Variants in SDK1 observed in about 807,000 individuals in gnomAD.
SDK1 encodes the protein protein sidekick-1.
SDK1 carries 157 observed loss-of-function variants against 245.5 expected under a neutral mutation model. The observed-to-expected ratio is 0.64, with a 90% CI of 0.56 to 0.73. SDK1 has a LOEUF of 0.73. Ranked by LOEUF, SDK1 falls within the 30% of genes least tolerant of loss-of-function variation. SDK1 has a pLI of 0.00. For synonymous variants in SDK1, 1,647 were observed against 1,278.5 expected (o/e 1.29, Z -6.15); for missense variants, 3,583 against 3,002.3 (o/e 1.19, Z -4.52).
At chr7:3,970,081 T>G (rs532137086) in intron 11 of SDK1, among the ~76,000 whole-genome samples, 1 of 152,348 alleles carries the variant, frequency 6.6e-6, no homozygotes, top group South Asian at 2.1e-4. Context: ...ACTTTTTAAC[T>G]TCAATTGCCA....
intron 4 of SDK1, among the ~76,000 whole-genome samples, chr7:3,811,660 G>T (rs776009213): frequency 6.6e-6 from 1 of 152,154 alleles, no homozygotes; most frequent in Non-Finnish European, 1.5e-5. Context: ...TAGTCAGGGA[G>T]CCCCAGGCCA....
intron 4 of SDK1, among the ~76,000 whole-genome samples, chr7:3,674,756 G>A (rs1006480058): frequency 6.6e-6 from 1 of 152,186 alleles, no homozygotes; most frequent in Non-Finnish European, 1.5e-5. Context: ...TCCCACCACA[G>A]TGTATTCCAG....
chr7:3,429,890 A>G (rs773712928), intron 1 of SDK1, among the ~76,000 whole-genome samples: 2 of 152,140 alleles, frequency 1.3e-5, no homozygotes, highest in Non-Finnish European at 2.9e-5. Context: ...CATGACAGAT[A>G]TAGAGACACA....
At chr7:3,895,092 T>A (rs965536968) in intron 5 of SDK1, among the ~76,000 whole-genome samples, 6 of 152,176 alleles carry the variant, frequency 3.9e-5, no homozygotes, top group Admixed American at 3.9e-4. Flanking sequence ...AAGTTTCTAT[T>A]ATAGGGTAAG....
rs1442962424 is a variant in SDK1, at chr7:3,301,823, C to T, written c.237C>T (p.Gly79=). Residue 79 remains glycine, a synonymous_variant, in exon 1 of 45, where the codon GGC becomes GGT. Coordinates refer to ENST00000404826, the MANE Select transcript of SDK1 (RefSeq NM_152744.4). The stretch of plus-strand genomic sequence containing the variant: ...GGCGGGCGGCAAAGTTGGGGCCGGG[C>T]CGCCGCGGCTGGTGGGCGCTGCTGG... The part of the protein sequence containing the change: ...GGRRAAKLGP[G]RRGWWALLAL... The T allele has an allele frequency of 7.3e-6, 8 of 1,099,362 alleles. No homozygotes were observed. Among genetic ancestry groups the T allele is most frequent in the African/African-American group, 5.0e-5 (3 of 59,636 alleles). The allele number at this position is 1,099,362 out of a possible 1,614,324, so 68.1% of individuals were successfully genotyped here.
rs1375497758 is a variant in SDK1, at chr7:3,545,971, G to C, written c.299-73109G>C. Among the ~76,000 whole-genome samples, 3 of 152,208 alleles carry C rather than the reference G, an allele frequency of 2.0e-5. No homozygotes were observed. In the East Asian group the frequency reaches 5.8e-4, roughly 29 times the overall value. On this transcript the variant is annotated intron_variant, in intron 1 of 44. Coordinates refer to ENST00000404826, the MANE Select transcript of SDK1 (RefSeq NM_152744.4). The stretch of plus-strand genomic sequence containing the variant: ...AGTATAACCTCGTCATTGAAAGAAA[G>C]ACTTTAGTAACCTATTGATATTTCT...
intron 38 of SDK1, among the ~76,000 whole-genome samples, chr7:4,213,776 C>G (rs927230436): frequency 6.6e-6 from 1 of 152,214 alleles, no homozygotes; most frequent in African/African-American, 2.4e-5. Context: ...CCCTGCACAT[C>G]TGGCTTCCCT....
chr7:4,086,412 G>C (rs190292521), intron 22 of SDK1, among the ~76,000 whole-genome samples: 5 of 152,356 alleles, frequency 3.3e-5, no homozygotes, highest in Non-Finnish European at 5.9e-5. Context: ...TCTTCCGGAA[G>C]CTCTGGGGAT....
At chr7:4,168,317 C>T (rs1429390725) in intron 32 of SDK1, among the ~76,000 whole-genome samples, 1 of 152,208 alleles carries the variant, frequency 6.6e-6, no homozygotes, top group Non-Finnish European at 1.5e-5. Flanking sequence ...GCCTGTTGGC[C>T]AAATGTGGCC....
chr7:3,326,683 A>G (rs1020179002), intron 1 of SDK1, among the ~76,000 whole-genome samples: 1 of 152,088 alleles, frequency 6.6e-6, no homozygotes, highest in African/African-American at 2.4e-5. Flanking sequence ...TTTATTTTTT[A>G]TTTAATTTTT....
At chr7:4,184,243 T>G (rs1782754694) in intron 35 of SDK1, among the ~76,000 whole-genome samples, 1 of 152,174 alleles carries the variant, frequency 6.6e-6, no homozygotes, top group Admixed American at 6.5e-5. Context: ...GCTCAAAGGC[T>G]TTTATGAAAA....
chr7:4,109,267 G>A (rs756712934), intron 22 of SDK1, among the ~76,000 whole-genome samples: 18 of 152,168 alleles, frequency 1.2e-4, no homozygotes, highest in Admixed American at 5.2e-4. Context: ...AGCTGAAAGC[G>A]TTGAGAGTTT....
intron 5 of SDK1, among the ~76,000 whole-genome samples, chr7:3,859,806 A>G (rs1385933344): frequency 6.6e-6 from 1 of 152,234 alleles, no homozygotes; most frequent in Non-Finnish European, 1.5e-5. Context: ...ATCCATTGCA[A>G]ATAGGTGAAA....
intron 1 of SDK1, among the ~76,000 whole-genome samples, chr7:3,309,134 T>G (rs1779489527): frequency 1.3e-5 from 2 of 152,202 alleles, no homozygotes; most frequent in African/African-American, 4.8e-5. Context: ...AGTCCCTCTC[T>G]CTGGTGTGAT....
At chr7:4,236,230 G>C (rs1786156883) in intron 41 of SDK1, among the ~76,000 whole-genome samples, 3 of 152,128 alleles carry the variant, frequency 2.0e-5, no homozygotes. Flanking sequence ...TTCTGTTCTG[G>C]GGGGCTTCCA....
intron 1 of SDK1, among the ~76,000 whole-genome samples, chr7:3,566,881 C>T (rs1020401203): frequency 2.6e-5 from 4 of 151,938 alleles, no homozygotes; most frequent in African/African-American, 7.3e-5. Context: ...AAAATGATAT[C>T]CTTATTACAC....
At chr7:4,105,664 C>G (rs563526285) in intron 22 of SDK1, among the ~76,000 whole-genome samples, 3 of 152,304 alleles carry the variant, frequency 2.0e-5, no homozygotes, top group East Asian at 3.9e-4. Flanking sequence ...TGGGGGTACT[C>G]TGAAGAGGGT....
chr7:3,590,714 A>G (rs1301509251), intron 1 of SDK1, among the ~76,000 whole-genome samples: 1 of 151,766 alleles, frequency 6.6e-6, no homozygotes, highest in African/African-American at 2.4e-5. Flanking sequence ...AAAAATACTG[A>G]TAACAGAGCC....
intron 1 of SDK1, among the ~76,000 whole-genome samples, chr7:3,613,378 A>G (rs577088349): frequency 3.9e-5 from 6 of 152,240 alleles, no homozygotes; most frequent in Admixed American, 3.9e-4. Context: ...GAAAACCTTA[A>G]ATGTTTACTT....
Sources: allele counts gnomAD v4.1 joint callset (sites outside exome capture counted in the v4.1 genomes callset), GRCh38; gene constraint gnomAD v4.1.1; transcripts MANE v1.5; gene names NCBI Gene and HGNC (gene_info 2026-07-23, HGNC 2026-07-21).